Variants in SEC14L1 observed in about 807,000 individuals in gnomAD.
The protein encoded by SEC14L1 is SEC14 like lipid binding 1, also known as SEC14-like protein 1.
SEC14L1 carries 48 observed loss-of-function variants against 85.3 expected under a neutral mutation model. The observed-to-expected ratio is 0.56, with a 90% confidence interval of 0.45 to 0.72. The LOEUF (loss-of-function observed/expected upper bound fraction) is 0.72. Ranked by LOEUF, SEC14L1 falls within the 30% of genes least tolerant of loss-of-function variation. The pLI is 0.00. For synonymous variants in SEC14L1, 391 were observed against 355.5 expected (o/e 1.10, Z -1.12); for missense variants, 682 against 921.4 (o/e 0.74, Z 3.36).
In SEC14L1 at chr17:77,190,167, A is replaced by G. The variant is rs1598370231; in HGVS notation, c.64-636A>G. 2.6e-5 allele frequency among the ~76,000 whole-genome samples: 4 copies of G among 152,062 alleles called. No homozygotes were observed. The South Asian group carries it at 6.2e-4, about 24-fold the overall frequency. ...GAGGTTTAGATCAAGATTCATTGTT[A>G]TTATTGTTTCAGCCTATGGATGTGT... On this transcript the variant is annotated intron_variant, in intron 3 of 16. Transcript: ENST00000436233.
At chr17:77,202,787 G>C (rs972776282) in intron 9 of SEC14L1, among the ~76,000 whole-genome samples, 1 of 152,004 alleles carries the variant, frequency 6.6e-6, no homozygotes, top group Non-Finnish European at 1.5e-5. Context: ...GGGCATGGCA[G>C]CGTGCGCCTG....
intron 3 of SEC14L1, among the ~76,000 whole-genome samples, chr17:77,133,285 G>A (rs1972667871): frequency 6.6e-6 from 1 of 152,238 alleles, no homozygotes; most frequent in Admixed American, 6.5e-5. Flanking sequence ...GAGCAATGGA[G>A]AAGATATGGC....
Position 77,194,823 on chromosome 17 carries a change from C to T in SEC14L1, c.621C>T (p.Val207=). The T allele has an allele frequency of 6.2e-7, 1 of 1,614,246 alleles. No individual in the cohort carries two copies. Among genetic ancestry groups the T allele is most frequent in the Non-Finnish European group, 8.5e-7 (1 of 1,180,044 alleles). The change falls in exon 7 of 17, where the codon GTC becomes GTT. Residue 207 remains valine (V), a synonymous_variant. Coordinates refer to ENST00000436233, the MANE Select transcript of SEC14L1 (RefSeq NM_001143998.2). ...AACAAGCAGCGTCCATGGCCGTCGT[C>T]ATCCCAGAAGCTGCCCTCAAGGAGG... The part of the protein sequence containing the change: ...SKKQAASMAV[V]IPEAALKEGL...
chr17:77,213,930 G>C lies in SEC14L1; in HGVS notation c.2055G>C (p.Thr685=). The C allele has an allele frequency of 6.2e-7, 1 of 1,613,318 alleles. No homozygotes were observed. Among genetic ancestry groups the C allele is most frequent in the Non-Finnish European group, 8.5e-7 (1 of 1,179,768 alleles). The change falls in exon 17 of 17, where the codon ACG becomes ACC. Residue 685 remains threonine (T), a synonymous_variant. Coordinates refer to ENST00000436233, the MANE Select transcript of SEC14L1 (RefSeq NM_001143998.2). This position sits in a 1 kb window ranked among gnomAD's most constrained non-coding sequence, Gnocchi z 7.1. ...TGTGCCATTACAGAGGTTCCATGAC[G>C]AGCCTGGAGTCCAGCCACAGCGGCT... ...IGSEDFRGSM[T]SLESSHSGFS...
rs377696820 is a variant in SEC14L1 at position 77,209,493 on chromosome 17, C to A, written c.1611+17C>A. The stretch of plus-strand genomic sequence containing the variant: ...CCACATGAGGTACGTCCTCCGCCTT[C>A]CTGCACCTGGGCCGGCCCTTCCTCC... On this transcript the variant is annotated intron_variant, in intron 14 of 16. Coordinates refer to ENST00000436233, the MANE Select transcript of SEC14L1 (RefSeq NM_001143998.2). 6.2e-7 allele frequency: 1 copy of A among 1,612,100 alleles called. No homozygotes were observed. The highest frequency in any genetic ancestry group is 8.5e-7 in the Non-Finnish European group (1 of 1,179,502).
intron 3 of SEC14L1, among the ~76,000 whole-genome samples, chr17:77,150,961 C>CT (rs1308004484): frequency 1.3e-5 from 2 of 152,134 alleles, no homozygotes; most frequent in African/African-American, 4.8e-5. Context: ...AGCATGTCTT[C>CT]TTTCTCTCAT....
intron 3 of SEC14L1, among the ~76,000 whole-genome samples, chr17:77,120,484 T>G (rs938023603): frequency 7.1e-6 from 1 of 141,714 alleles, no homozygotes; most frequent in African/African-American, 2.5e-5. Flanking sequence ...TCCACATTCT[T>G]TTTTTTTTTT....
intron 3 of SEC14L1, among the ~76,000 whole-genome samples, chr17:77,172,121 A>G (rs1028969112): frequency 2.0e-5 from 3 of 152,066 alleles, no homozygotes; most frequent in African/African-American, 7.2e-5. Context: ...TCCTGTGAAC[A>G]AGTTACACCA....
At chr17:77,151,286 A>G (rs1973543587) in intron 3 of SEC14L1, among the ~76,000 whole-genome samples, 1 of 152,156 alleles carries the variant, frequency 6.6e-6, no homozygotes, top group South Asian at 2.1e-4. Flanking sequence ...TGTGAATGCC[A>G]TCGCGTGAGT....
At chr17:77,143,788 A>G (rs572545895) in intron 3 of SEC14L1, 129 bp downstream of exon 3, 14 of 667,144 alleles carry the variant, frequency 2.1e-5, no homozygotes, top group Non-Finnish European at 3.4e-5. Flanking sequence ...TTTTATGCTT[A>G]TGAACCGTAT....
intron 8 of SEC14L1, among the ~76,000 whole-genome samples, chr17:77,196,906 T>C (rs1372371161): frequency 6.6e-6 from 1 of 152,228 alleles, no homozygotes. Flanking sequence ...CCACCGTTTG[T>C]TGTCTTCTTA....
intron 3 of SEC14L1, among the ~76,000 whole-genome samples, chr17:77,168,785 C>T (rs1245784397): frequency 2.6e-5 from 4 of 152,140 alleles, no homozygotes; most frequent in Non-Finnish European, 5.9e-5. Context: ...TCAGCTATCC[C>T]TTTAATGGCA....
At chr17:77,160,436 T>G (rs1974007655) in intron 3 of SEC14L1, among the ~76,000 whole-genome samples, 2 of 152,258 alleles carry the variant, frequency 1.3e-5, no homozygotes, top group South Asian at 4.1e-4. Flanking sequence ...TAGGAATGGT[T>G]TTTGAATATC....
intron 3 of SEC14L1, among the ~76,000 whole-genome samples, chr17:77,132,460 G>A (rs1466131467): frequency 6.6e-6 from 1 of 152,046 alleles, no homozygotes; most frequent in Non-Finnish European, 1.5e-5. Flanking sequence ...CCTGACCTCA[G>A]GTGATCCACC....
intron 10 of SEC14L1, among the ~76,000 whole-genome samples, chr17:77,204,165 T>G (rs1054391430): frequency 1.3e-5 from 2 of 152,122 alleles, no homozygotes; most frequent in African/African-American, 4.8e-5. Flanking sequence ...AACAGAAACT[T>G]AAAAGACGTA....
chr17:77,161,851 C>T (rs1974073277), intron 3 of SEC14L1, among the ~76,000 whole-genome samples: 2 of 149,836 alleles, frequency 1.3e-5, no homozygotes, highest in African/African-American at 2.5e-5. Flanking sequence ...TGTTTGTTTC[C>T]CTTCCCTCCC....
At chr17:77,102,308 TTA>T (rs772029609) in intron 3 of SEC14L1, among the ~76,000 whole-genome samples, 2 of 152,128 alleles carry the variant, frequency 1.3e-5, no homozygotes, top group Non-Finnish European at 2.9e-5. Context: ...CGGAAAACAG[TTA>T]TCTTCCTTGA....
At chr17:77,095,638 G>A (rs1319928094) in intron 3 of SEC14L1, among the ~76,000 whole-genome samples, 1 of 152,098 alleles carries the variant, frequency 6.6e-6, no homozygotes, top group East Asian at 1.9e-4. Flanking sequence ...CCAACATGGT[G>A]AAACCCCATC....
At chr17:77,125,685 C>T (rs1488264879) in intron 3 of SEC14L1, among the ~76,000 whole-genome samples, 1 of 152,214 alleles carries the variant, frequency 6.6e-6, no homozygotes, top group African/African-American at 2.4e-5. Flanking sequence ...CACACAGGCA[C>T]CTACCTCTGC....
Sources: gnomAD v4.1 joint callset for allele counts (sites outside exome capture counted in the v4.1 genomes callset) on GRCh38, gnomAD v4.1.1 for gene constraint, Gnocchi (gnomAD v3.1) non-coding constraint, MANE v1.5 for transcripts, NCBI Gene and HGNC (gene_info 2026-07-23, HGNC 2026-07-21) for gene names.